The following SYTL5 variants were observed in gnomAD, a reference collection of about 807,000 sequenced individuals.
SYTL5 encodes the protein synaptotagmin like 5.
SYTL5 carries 34 observed loss-of-function variants against 55.9 expected under a neutral mutation model. The observed-to-expected ratio is 0.61, with a 90% confidence interval of 0.46 to 0.81. The LOEUF is 0.81. Ranked by LOEUF, SYTL5 falls within the 30% of genes least tolerant of loss-of-function variation. The probability of loss-of-function intolerance (pLI) is 0.00; values close to 1 mark genes in which losing one functional copy is unlikely to be tolerated. For missense variants in SYTL5, 637 were observed against 546.7 expected (o/e 1.17, Z -1.65); for synonymous variants, 221 against 188.7 (o/e 1.17, Z -1.40).
the SYTL5 span, among the ~76,000 whole-genome samples, chrX:37,892,280 T>C: frequency 9.1e-6 from 1 of 109,444 alleles, no homozygotes; most frequent in African/African-American, 3.3e-5. Flanking sequence ...GCACACGACA[T>C]TGGAGCCAAA....
intron 9 of SYTL5, among the ~76,000 whole-genome samples, chrX:38,100,831 T>C (rs1314792302): frequency 9.0e-6 from 1 of 111,256 alleles, no homozygotes; most frequent in Non-Finnish European, 1.9e-5. Flanking sequence ...TGTGAACATA[T>C]ATACTGTGTT....
At chrX:38,103,393 T>A (rs1004989412) in intron 10 of SYTL5, among the ~76,000 whole-genome samples, 1 of 111,575 alleles carries the variant, frequency 9.0e-6, no homozygotes, top group Non-Finnish European at 1.9e-5. Flanking sequence ...GAGCATATAG[T>A]TTAGTTAGTA....
At chrX:38,033,105 C>G (rs192522258) in intron 1 of SYTL5, among the ~76,000 whole-genome samples, 1 of 111,445 alleles carries the variant, frequency 9.0e-6, no homozygotes, top group East Asian at 2.8e-4. Flanking sequence ...GTATTTGTCT[C>G]AACAGCAGGG....
At chrX:38,000,712 G>A in the SYTL5 span, among the ~76,000 whole-genome samples, 1 of 112,074 alleles carries the variant, frequency 8.9e-6, no homozygotes, top group African/African-American at 3.2e-5. Context: ...TGGAAGAATC[G>A]GATCACACAT....
chrX:38,000,804 G>C, the SYTL5 span, among the ~76,000 whole-genome samples: 1 of 111,648 alleles, frequency 9.0e-6, no homozygotes, highest in South Asian at 3.8e-4. Flanking sequence ...GATGGAGTGG[G>C]AACGTGGTTT....
At chrX:37,906,536 G>C in the SYTL5 span, 2 of 111,717 alleles carry the variant, frequency 1.8e-5, no homozygotes, top group African/African-American at 3.3e-5. Flanking sequence ...CTGCGAGGTA[G>C]CAGATGTTTT....
chrX:38,022,383 G>T (rs950114726), intron 1 of SYTL5, among the ~76,000 whole-genome samples: 2 of 112,218 alleles, frequency 1.8e-5, no homozygotes, highest in East Asian at 5.6e-4. Context: ...AGTTCTGAAG[G>T]TTAAAAGTCC....
the SYTL5 span, among the ~76,000 whole-genome samples, chrX:37,955,863 A>AC: frequency 9.0e-6 from 1 of 111,277 alleles, no homozygotes; most frequent in East Asian, 2.8e-4. Flanking sequence ...CTTAGGCATC[A>AC]CCACAAAGTG....
At chrX:37,940,274 T>C in the SYTL5 span, among the ~76,000 whole-genome samples, 2 of 110,524 alleles carry the variant, frequency 1.8e-5, no homozygotes, top group East Asian at 2.8e-4. Flanking sequence ...TGAATTCCCC[T>C]ATATGTAAAT....
At chrX:38,018,518 T>G (rs1934434895) in intron 1 of SYTL5, among the ~76,000 whole-genome samples, 1 of 111,668 alleles carries the variant, frequency 9.0e-6, no homozygotes, top group African/African-American at 3.3e-5. Flanking sequence ...TGTTGCACCA[T>G]AAGTATCCGG....
chrX:37,993,549 T>C, the SYTL5 span, among the ~76,000 whole-genome samples: 10 of 112,456 alleles, frequency 8.9e-5, no homozygotes, highest in African/African-American at 3.2e-4. Context: ...GGAAATGCGT[T>C]GAAACAATCG....
At position 38,043,690 on chromosome X, in the gene SYTL5, T is replaced by TATATATATATATATACAC. The variant is rs1366385489; in HGVS notation, c.119+9683_119+9684insTATATATATATATACACA. ...ATATATATATATATATATATATATA[T>TATATATATATATATACAC]ACATATATATATACATATTTTCATA... is the stretch of plus-strand genomic sequence containing the variant. On this transcript the variant is annotated intron_variant, in intron 2 of 16. Coordinates refer to ENST00000297875, the MANE Select transcript of SYTL5 (RefSeq NM_138780.3). 8.6e-3 allele frequency among the ~76,000 whole-genome samples: 599 copies of TATATATATATATATACAC among 69,447 alleles called. 12 individuals are homozygous for TATATATATATATATACAC. The highest frequency in any genetic ancestry group is 0.011 in the Non-Finnish European group (449 of 41,661). The allele number at this position is 69,447 out of a possible 115,157, so 60.3% of individuals were successfully genotyped here.
At chrX:37,980,521 G>A in the SYTL5 span, among the ~76,000 whole-genome samples, 2 of 112,411 alleles carry the variant, frequency 1.8e-5, no homozygotes, top group Non-Finnish European at 3.8e-5. Flanking sequence ...GGGAATAAAT[G>A]TTTAAGAAAA....
intron 9 of SYTL5, among the ~76,000 whole-genome samples, chrX:38,099,733 T>C (rs1466723566): frequency 9.0e-6 from 1 of 111,462 alleles, no homozygotes; most frequent in East Asian, 2.8e-4. Flanking sequence ...TATGGTTTTA[T>C]GTTGAGGTAA....
intron 7 of SYTL5, among the ~76,000 whole-genome samples, chrX:38,089,914 A>G (rs1936757340): frequency 8.9e-6 from 1 of 111,779 alleles, no homozygotes; most frequent in Non-Finnish European, 1.9e-5. Context: ...GGGTAGGGAC[A>G]TAGAGCCAAA....
chrX:38,082,388 T>C (rs1296548272), intron 6 of SYTL5, among the ~76,000 whole-genome samples: 3 of 112,438 alleles, frequency 2.7e-5, no homozygotes, highest in African/African-American at 9.7e-5. Flanking sequence ...AGATAGCCTT[T>C]CTTCTTCTAC....
the SYTL5 span, among the ~76,000 whole-genome samples, chrX:37,987,564 C>T: frequency 1.8e-5 from 2 of 111,630 alleles, no homozygotes; most frequent in East Asian, 2.8e-4. Context: ...GTGTCTGATG[C>T]CAGGTAGCTA....
chrX:37,935,087 C>A, the SYTL5 span, among the ~76,000 whole-genome samples: 1 of 112,051 alleles, frequency 8.9e-6, no homozygotes, highest in Non-Finnish European at 1.9e-5. Context: ...TGAAGAGAAA[C>A]CTTTGAAAGC....
At chrX:37,994,598 G>A in the SYTL5 span, 1,925 of 113,460 alleles carry the variant, frequency 0.017, 47 homozygotes, top group African/African-American at 0.059. Flanking sequence ...ACGTGAAGAG[G>A]GCACTGCAAA....
Sources: gnomAD v4.1 joint callset for allele counts (sites outside exome capture counted in the v4.1 genomes callset) on GRCh38, gnomAD v4.1.1 for gene constraint, MANE v1.5 for transcripts, NCBI Gene and HGNC (gene_info 2026-07-23, HGNC 2026-07-21) for gene names.